Variants in LMO7 observed in about 807,000 individuals in gnomAD.
LMO7 encodes the protein LIM domain 7, also known as LIM domain only protein 7.
LMO7 carries 120 observed loss-of-function variants against 206.5 expected under a neutral mutation model. That is an observed-to-expected ratio of 0.58 (90% confidence interval 0.50 to 0.68). LMO7 has a LOEUF of 0.68. Among genes scored for constraint, LMO7 ranks in the 30% least tolerant of loss-of-function variants. The probability of loss-of-function intolerance (pLI) is 0.00; values close to 1 mark genes in which losing one functional copy is unlikely to be tolerated. For synonymous variants in LMO7, 706 were observed against 681.5 expected, an observed-to-expected ratio of 1.04 and a Z score of -0.56; for missense variants, 1,959 against 1,957.9, an observed-to-expected ratio of 1.00 and a Z score of -0.01.
At chr13:75,851,955 T>G (rs2060533036) in intron 27 of LMO7, among the ~76,000 whole-genome samples, 1 of 152,114 alleles carries the variant, frequency 6.6e-6, no homozygotes, top group South Asian at 2.1e-4. Flanking sequence ...CTCACTTCTG[T>G]AAGATTAAAA....
At chr13:75,672,884 T>C (rs1312601714) in intron 1 of LMO7, among the ~76,000 whole-genome samples, 2 of 152,222 alleles carry the variant, frequency 1.3e-5, no homozygotes, top group African/African-American at 4.8e-5. Context: ...TCTTTCCTTA[T>C]AGAAATTGGC....
chr13:75,730,614 G>A (rs1018678581), intron 3 of LMO7, among the ~76,000 whole-genome samples: 3 of 143,964 alleles, frequency 2.1e-5, no homozygotes, highest in Admixed American at 1.4e-4. Context: ...AGGGTTTTTT[G>A]TGTCTCTATT....
chr13:75,804,203 G>C, intron 7 of LMO7, 86 bp from the exon 8 acceptor site: 1 of 1,394,352 alleles, frequency 7.2e-7, no homozygotes, highest in Admixed American at 2.0e-5. Flanking sequence ...GGGTTTCTAA[G>C]GGAAAGACAA....
intron 1 of LMO7, among the ~76,000 whole-genome samples, chr13:75,656,143 G>A (rs1594094474): frequency 6.6e-6 from 1 of 152,106 alleles, no homozygotes; most frequent in Admixed American, 6.5e-5. Flanking sequence ...TGTAAACTGC[G>A]GGCAAAGCCT....
At chr13:75,623,132 T>C (rs1353097532) in intron 1 of LMO7, 3 of 502,544 alleles carry the variant, frequency 6.0e-6, no homozygotes, top group Admixed American at 4.4e-5. Flanking sequence ...TTTATTTATT[T>C]TGGCATCTCT....
chr13:75,837,114 T>C lies in LMO7; in HGVS notation c.3394+657T>C, dbSNP rs527963296. On this transcript the variant is annotated intron_variant, in intron 19 of 30. Transcript: ENST00000377534. ...TGCCATGAACCTAGACTGCCAAGAA[T>C]GGGACTGGGTTTTCACAGTGCTTTG... Among the ~76,000 whole-genome samples the C allele has an allele frequency of 9.2e-5, 14 of 152,344 alleles. No homozygotes were observed. In the South Asian group the frequency reaches 2.5e-3, roughly 27 times the overall value.
intron 4 of LMO7, among the ~76,000 whole-genome samples, chr13:75,778,254 A>T (rs909280480): frequency 6.6e-6 from 1 of 151,720 alleles, no homozygotes; most frequent in African/African-American, 2.4e-5. Context: ...TTTTTTTGAG[A>T]TGGAGTCTTG....
chr13:75,717,584 A>T (rs2138265219), intron 2 of LMO7, among the ~76,000 whole-genome samples: 1 of 151,880 alleles, frequency 6.6e-6, no homozygotes, highest in East Asian at 1.9e-4. Context: ...ATAGAAAAAT[A>T]TATATTTTTT....
chr13:75,809,022 T>C (rs2055939153), intron 10 of LMO7, 132 bp from the exon 11 acceptor site: 2 of 724,740 alleles, frequency 2.8e-6, no homozygotes, highest in African/African-American at 3.6e-5. Context: ...TGATCAAGAA[T>C]GTGATGGAAG....
chr13:75,632,862 G>GTTGTTTTTTTTTTTTTTTTTTTT (rs2099197047), upstream of LMO7, among the ~76,000 whole-genome samples: 2 of 102,152 alleles, frequency 2.0e-5, no homozygotes, highest in South Asian at 7.4e-4. Flanking sequence ...TTACTTAAAA[G>GTTGTTTTTTTTTTTTTTTTTTTT]TTTTTTTTTT....
intron 28 of LMO7, 199 bp from the exon 29 acceptor site, chr13:75,855,061 G>A (rs558274346): frequency 5.9e-5 from 30 of 505,240 alleles, no homozygotes; most frequent in African/African-American, 5.7e-4. Flanking sequence ...AAGGGTCTCA[G>A]AGCTGCCATG....
chr13:75,631,118 C>T (rs1044293909), intron 2 of LMO7, among the ~76,000 whole-genome samples: 1 of 152,200 alleles, frequency 6.6e-6, no homozygotes, highest in African/African-American at 2.4e-5. Flanking sequence ...CCTCTGCTTT[C>T]CGGGTTCAAG....
At chr13:75,812,372 C>T (rs910029442) in intron 11 of LMO7, among the ~76,000 whole-genome samples, 4 of 152,142 alleles carry the variant, frequency 2.6e-5, no homozygotes, top group Non-Finnish European at 4.4e-5. Context: ...CCTATAGTAC[C>T]TGATGGAAAT....
At chr13:75,769,651 G>A (rs527249398) in intron 4 of LMO7, among the ~76,000 whole-genome samples, 2 of 152,170 alleles carry the variant, frequency 1.3e-5, no homozygotes, top group East Asian at 3.9e-4. Flanking sequence ...AAAGGAAAAA[G>A]TGGGGTTCTT....
chr13:75,842,986 G>T, intron 25 of LMO7, 70 bp downstream of exon 25: 1 of 987,364 alleles, frequency 1.0e-6, no homozygotes, highest in Non-Finnish European at 1.6e-6. Context: ...AGCTTGCATC[G>T]ATGATTTGTA....
At chr13:75,813,534 TAC>T (rs2056662142) in intron 11 of LMO7, among the ~76,000 whole-genome samples, 1 of 152,154 alleles carries the variant, frequency 6.6e-6, no homozygotes, top group African/African-American at 2.4e-5. Context: ...CCAGCTGCTG[TAC>T]AGTGTGTGCA....
chr13:75,776,204 T>TATATATATAA (rs1440052148), intron 4 of LMO7, among the ~76,000 whole-genome samples: 4 of 120,642 alleles, frequency 3.3e-5, no homozygotes, highest in Non-Finnish European at 5.3e-5. Flanking sequence ...TATATATATA[T>TATATATATAA]AACGTTAAGT....
At chr13:75,825,494 C>T (rs765503735) in intron 15 of LMO7, among the ~76,000 whole-genome samples, 9 of 152,150 alleles carry the variant, frequency 5.9e-5, no homozygotes, top group Non-Finnish European at 1.2e-4. Flanking sequence ...AGAGGAGCTT[C>T]AATTAATGTG....
Position 75,804,558 on chromosome 13 carries a change from G to A in LMO7, c.914+17G>A, listed in dbSNP as rs1340881776. 1 of 1,604,748 alleles carries A rather than the reference G, an allele frequency of 6.2e-7. No homozygotes were observed. The highest frequency in any genetic ancestry group is 8.5e-7 in the Non-Finnish European group (1 of 1,175,580). On this transcript the variant is annotated intron_variant, in intron 8 of 30. Coordinates refer to ENST00000377534, the MANE Select transcript of LMO7 (RefSeq NM_001306080.2). ...ATTTTCAAGGTACTGAGATGGGTGT[G>A]ATTATTGAGTTTCGTATGCTTTTCG...
Sources: gnomAD v4.1 joint callset for allele counts (sites outside exome capture counted in the v4.1 genomes callset) on GRCh38, gnomAD v4.1.1 for gene constraint, MANE v1.5 for transcripts, NCBI Gene and HGNC (gene_info 2026-07-23, HGNC 2026-07-21) for gene names.